Variants in GARIN1A observed in about 807,000 individuals in gnomAD.
GARIN1A encodes the protein Golgi-associated RAB2 interactor protein 1A.
At chr7:128,692,418 A>G in the GARIN1A span, among the ~76,000 whole-genome samples, 1 of 152,234 alleles carries the variant, frequency 6.6e-6, no homozygotes, top group Non-Finnish European at 1.5e-5. Flanking sequence ...GATTTCTCAG[A>G]ATCTATTTCT....
the GARIN1A span, chr7:128,683,620 A>G: frequency 6.6e-6 from 1 of 151,880 alleles, no homozygotes; most frequent in African/African-American, 2.4e-5. Context: ...ACAGGCACAC[A>G]CTACACCTGG....
At chr7:128,696,138 A>G in the GARIN1A span, among the ~76,000 whole-genome samples, 645 of 148,460 alleles carry the variant, frequency 4.3e-3, 4 homozygotes, top group African/African-American at 0.016. Flanking sequence ...TCAGCCTCCT[A>G]CGTAGCTGGG....
At chr7:128,676,113 G>A in the GARIN1A span, among the ~76,000 whole-genome samples, 1 of 149,992 alleles carries the variant, frequency 6.7e-6, no homozygotes, top group Admixed American at 6.7e-5. Flanking sequence ...CCCGCCTCCC[G>A]GGTTCACGCC....
At chr7:128,682,617 TGTCAC>T in the GARIN1A span, among the ~76,000 whole-genome samples, 36 of 152,360 alleles carry the variant, frequency 2.4e-4, no homozygotes, top group East Asian at 3.1e-3. Context: ...AGTCTCACTC[TGTCAC>T]GTAGGCTGGA....
At chr7:128,689,555 G>A in the GARIN1A span, among the ~76,000 whole-genome samples, 1 of 146,792 alleles carries the variant, frequency 6.8e-6, no homozygotes, top group African/African-American at 2.6e-5. Context: ...CCCTCCGCCC[G>A]GCAGCCGCCC....
the GARIN1A span, chr7:128,691,157 T>C: frequency 6.8e-6 from 1 of 147,048 alleles, no homozygotes; most frequent in South Asian, 2.2e-4. Flanking sequence ...TGGTTGAAGC[T>C]CAATTTGGGG....
At chr7:128,708,404 A>G in the GARIN1A span, among the ~76,000 whole-genome samples, 4 of 152,218 alleles carry the variant, frequency 2.6e-5, no homozygotes, top group East Asian at 3.9e-4. Context: ...GGTGTATCCT[A>G]TTCTCATGAG....
the GARIN1A span, among the ~76,000 whole-genome samples, chr7:128,694,351 G>T: frequency 6.6e-6 from 1 of 151,992 alleles, no homozygotes; most frequent in East Asian, 1.9e-4. Context: ...AGCCAACATG[G>T]TGAAACCCCG....
At chr7:128,672,786 C>T in the GARIN1A span, among the ~76,000 whole-genome samples, 1 of 152,278 alleles carries the variant, frequency 6.6e-6, no homozygotes, top group South Asian at 2.1e-4. Flanking sequence ...TTGATTTATG[C>T]TTTACAAATG....
At chr7:128,681,260 ATCT>A in the GARIN1A span, among the ~76,000 whole-genome samples, 1 of 152,272 alleles carries the variant, frequency 6.6e-6, no homozygotes, top group Non-Finnish European at 1.5e-5. Flanking sequence ...AACTTATCAC[ATCT>A]TCTTACCCTC....
the GARIN1A span, chr7:128,693,990 A>C: frequency 6.6e-6 from 1 of 152,146 alleles, no homozygotes; most frequent in Non-Finnish European, 1.5e-5. Context: ...AATGCTGGAG[A>C]TTCTATAAGG....
the GARIN1A span, chr7:128,685,548 A>G: frequency 3.3e-3 from 497 of 152,340 alleles, 4 homozygotes; most frequent in African/African-American, 0.011. Flanking sequence ...TGAGTCAGAA[A>G]AGACATCTGA....
the GARIN1A span, among the ~76,000 whole-genome samples, chr7:128,704,192 G>A: frequency 8.8e-6 from 1 of 113,820 alleles, no homozygotes; most frequent in Non-Finnish European, 1.6e-5. Context: ...CCAGGAACTG[G>A]TTTCTTGGAA....
chr7:128,682,145 C>G, the GARIN1A span, among the ~76,000 whole-genome samples: 1 of 152,094 alleles, frequency 6.6e-6, no homozygotes, highest in South Asian at 2.1e-4. Context: ...AGCTCAAGCC[C>G]CCTGGGTTGT....
the GARIN1A span, chr7:128,687,643 T>C: frequency 6.6e-6 from 1 of 152,198 alleles, no homozygotes; most frequent in Non-Finnish European, 1.5e-5. Flanking sequence ...CTTGAGCATC[T>C]CTACACATCC....
At chr7:128,697,179 G>A in the GARIN1A span, among the ~76,000 whole-genome samples, 1 of 152,204 alleles carries the variant, frequency 6.6e-6, no homozygotes, top group East Asian at 1.9e-4. Context: ...GGGGCTTGGA[G>A]GGAAGGGTAA....
the GARIN1A span, chr7:128,690,608 T>C: frequency 6.6e-6 from 1 of 152,148 alleles, no homozygotes; most frequent in African/African-American, 2.4e-5. Flanking sequence ...CCAAACTTCA[T>C]ACATGCAATT....
At chr7:128,706,555 C>A in the GARIN1A span, among the ~76,000 whole-genome samples, 5 of 152,110 alleles carry the variant, frequency 3.3e-5, no homozygotes, top group African/African-American at 1.2e-4. Flanking sequence ...TTTCAGTCTA[C>A]CACCTCAGGG....
chr7:128,695,596 G>A, the GARIN1A span, among the ~76,000 whole-genome samples: 9 of 151,624 alleles, frequency 5.9e-5, no homozygotes, highest in Non-Finnish European at 1.2e-4. This position sits in a 1 kb window ranked among gnomAD's most constrained non-coding sequence, Gnocchi z 4.5. Flanking sequence ...GCTGGAGTGC[G>A]GTGGTGTGAT....
Sources: gnomAD v4.1 joint callset for allele counts (sites outside exome capture counted in the v4.1 genomes callset) on GRCh38, gnomAD v4.1.1 for gene constraint, Gnocchi (gnomAD v3.1) non-coding constraint, MANE v1.5 for transcripts, NCBI Gene and HGNC (gene_info 2026-07-23, HGNC 2026-07-21) for gene names.